Variants in RPRD1A observed in about 807,000 individuals in gnomAD.
RPRD1A encodes the protein regulation of nuclear pre-mRNA domain-containing protein 1A.
Under a neutral mutation model 37.8 loss-of-function variants are expected in RPRD1A, and 9 were observed. The observed-to-expected ratio is 0.24, with a 90% CI of 0.14 to 0.42. RPRD1A has a LOEUF of 0.42. Ranked by LOEUF, RPRD1A falls within the 10% of genes least tolerant of loss-of-function variation. The probability of loss-of-function intolerance (pLI) is 1.00; values close to 1 mark genes in which losing one functional copy is unlikely to be tolerated. For missense variants in RPRD1A, 255 were observed against 371.0 expected (o/e 0.69, Z 2.57); for synonymous variants, 138 against 139.7 (o/e 0.99, Z 0.08).
At chr18:35,999,257 T>C (rs1909276527) in intron 6 of RPRD1A, among the ~76,000 whole-genome samples, 1 of 152,204 alleles carries the variant, frequency 6.6e-6, no homozygotes, top group Non-Finnish European at 1.5e-5. Context: ...GGAGTACTGT[T>C]TCCTCAATCT....
chr18:36,029,933 G>C (rs1037999236), intron 4 of RPRD1A, among the ~76,000 whole-genome samples: 2 of 151,566 alleles, frequency 1.3e-5, no homozygotes, highest in African/African-American at 4.8e-5. Flanking sequence ...AGCCTCCCGA[G>C]TAGCTGGGAC....
chr18:36,044,362 C>A (rs1912802581), intron 1 of RPRD1A, among the ~76,000 whole-genome samples: 1 of 152,170 alleles, frequency 6.6e-6, no homozygotes, highest in Non-Finnish European at 1.5e-5. Context: ...TCAAGCCCCA[C>A]ACTGTGGTCC....
At chr18:36,041,753 T>C (rs1189982160) in intron 1 of RPRD1A, among the ~76,000 whole-genome samples, 3 of 152,250 alleles carry the variant, frequency 2.0e-5, no homozygotes, top group African/African-American at 7.2e-5. Context: ...CAAAAACTGC[T>C]TTAAGTTAGT....
intron 6 of RPRD1A, among the ~76,000 whole-genome samples, chr18:36,017,979 G>A (rs1296948146): frequency 6.6e-6 from 1 of 152,160 alleles, no homozygotes; most frequent in Non-Finnish European, 1.5e-5. Context: ...TCCTACAGAA[G>A]GGGAAAAAAT....
chr18:36,022,418 T>C (rs1452887850), intron 6 of RPRD1A, among the ~76,000 whole-genome samples: 4 of 152,162 alleles, frequency 2.6e-5, no homozygotes, highest in South Asian at 2.1e-4. Flanking sequence ...GGGACTTTCA[T>C]AGCTAGAGAG....
intron 1 of RPRD1A, among the ~76,000 whole-genome samples, chr18:36,054,979 T>C (rs758531196): frequency 2.0e-5 from 3 of 152,190 alleles, no homozygotes; most frequent in Admixed American, 6.5e-5. Flanking sequence ...ATACTTACAC[T>C]AGGGAGGGCA....
chr18:36,010,801 T>C (rs1441740743), intron 6 of RPRD1A, among the ~76,000 whole-genome samples: 1 of 152,178 alleles, frequency 6.6e-6, no homozygotes, highest in African/African-American at 2.4e-5. Flanking sequence ...GCAAATACTT[T>C]ATTACCTCCA....
intron 6 of RPRD1A, among the ~76,000 whole-genome samples, chr18:36,020,480 G>C (rs1447015366): frequency 6.6e-6 from 1 of 152,134 alleles, no homozygotes; most frequent in East Asian, 1.9e-4. Context: ...AAGGCAATAA[G>C]ACTGGTTAAC....
intron 1 of RPRD1A, among the ~76,000 whole-genome samples, chr18:36,065,058 C>A (rs1231801740): frequency 6.6e-6 from 1 of 152,160 alleles, no homozygotes; most frequent in Non-Finnish European, 1.5e-5. Flanking sequence ...CCAGACATGT[C>A]TGAACATCAG....
intron 1 of RPRD1A, among the ~76,000 whole-genome samples, chr18:36,054,468 G>A (rs1913623387): frequency 6.6e-6 from 1 of 152,216 alleles, no homozygotes; most frequent in Admixed American, 6.5e-5. Flanking sequence ...TCCAGCCTGG[G>A]CAACAGAGCG....
chr18:36,015,603 T>C (rs921897197), intron 6 of RPRD1A, among the ~76,000 whole-genome samples: 1 of 152,164 alleles, frequency 6.6e-6, no homozygotes, highest in African/African-American at 2.4e-5. Flanking sequence ...AATGAAAACA[T>C]GCAGTGTATA....
chr18:36,039,485 A>G (rs8097597), intron 1 of RPRD1A, among the ~76,000 whole-genome samples: 41,637 of 152,106 alleles, frequency 0.27, 6,165 homozygotes, highest in African/African-American at 0.4. Context: ...ATCAGAGTCC[A>G]GACTATTAAA....
intron 1 of RPRD1A, among the ~76,000 whole-genome samples, chr18:36,049,169 G>A (rs1278148688): frequency 6.6e-6 from 1 of 152,148 alleles, no homozygotes; most frequent in Non-Finnish European, 1.5e-5. Context: ...GCCTCCCAAA[G>A]TGCTGGGATT....
intron 6 of RPRD1A, among the ~76,000 whole-genome samples, chr18:36,008,568 CTTGTGTGT>C (rs748682358): frequency 0.12 from 1,431 of 12,264 alleles, 120 homozygotes; most frequent in Non-Finnish European, 0.14. Context: ...ACAGCAAGAC[CTTGTGTGT>C]GTATATATAT....
intron 6 of RPRD1A, chr18:36,025,866 C>A (rs1026962464): frequency 4.8e-5 from 15 of 309,410 alleles, no homozygotes; most frequent in East Asian, 1.8e-4. Flanking sequence ...AAAAAAAAAA[C>A]CATCTTTTCC....
intron 1 of RPRD1A, among the ~76,000 whole-genome samples, chr18:36,045,933 T>C (rs1030833406): frequency 2.0e-5 from 3 of 152,186 alleles, no homozygotes; most frequent in East Asian, 3.8e-4. Flanking sequence ...TGTGTGGACA[T>C]TGTTGGATTC....
intron 1 of RPRD1A, among the ~76,000 whole-genome samples, chr18:36,046,040 T>C (rs1006378166): frequency 1.3e-5 from 2 of 152,226 alleles, no homozygotes; most frequent in African/African-American, 4.8e-5. Flanking sequence ...TTAACTTTTT[T>C]AGGTGTGATA....
At chr18:36,027,354 A>C (rs1157554396) in intron 4 of RPRD1A, 44 bp from the exon 5 acceptor site, 5 of 1,604,950 alleles carry the variant, frequency 3.1e-6, no homozygotes, top group Admixed American at 1.7e-5. Context: ...TTGAGCTTAA[A>C]CAAGTGCAAA....
At chr18:36,040,951 C>A in intron 1 of RPRD1A, 1 of 721,114 alleles carries the variant, frequency 1.4e-6, no homozygotes, top group African/African-American at 1.8e-5. Context: ...TCAGAATGAA[C>A]TACAAACACT....
Sources: gnomAD v4.1 joint callset for allele counts (sites outside exome capture counted in the v4.1 genomes callset) on GRCh38, gnomAD v4.1.1 for gene constraint, MANE v1.5 for transcripts, NCBI Gene and HGNC (gene_info 2026-07-23, HGNC 2026-07-21) for gene names.